Variants in CA5B observed in about 807,000 individuals in gnomAD.
CA5B encodes carbonic anhydrase 5B, mitochondrial.
A neutral mutation model predicts 23.1 loss-of-function variants in CA5B; 15 were observed. The ratio of observed to expected loss-of-function variants is 0.65; its 90% CI spans 0.43 to 1.00. CA5B has a LOEUF of 1.00. Among genes scored for constraint, CA5B ranks in the 50% least tolerant of loss-of-function variants. The pLI, the probability that CA5B is intolerant of heterozygous loss-of-function variation, is 0.00. For synonymous variants in CA5B, 84 were observed against 98.5 expected (o/e 0.85, Z 0.87); for missense variants, 236 against 252.2 (o/e 0.94, Z 0.43).
At chrX:15,753,397 T>C (rs1386950960) in intron 2 of CA5B, among the ~76,000 whole-genome samples, 1 of 111,993 alleles carries the variant, frequency 8.9e-6, no homozygotes, top group Non-Finnish European at 1.9e-5. Flanking sequence ...ATAAGGGGGA[T>C]TGTAGAAGCC....
Position 15,788,295 on chromosome X carries a change from A to T in CA5B, c.*5631A>T, listed in dbSNP as rs1250491183. The T allele has an allele frequency of 8.9e-6, 1 of 112,212 alleles. No individual in the cohort carries two copies. Among genetic ancestry groups the T allele is most frequent in the Non-Finnish European group, 1.9e-5 (1 of 53,287 alleles). The allele number at this position is 112,212 out of a possible 1,213,427, so 9.2% of individuals were successfully genotyped here. ...AGTTTTCACACTAATGATGATGGTG[A>T]TGAGATGATGTAACAGCTAAAGTTT... is the stretch of plus-strand genomic sequence containing the variant. On this transcript the variant is annotated 3_prime_UTR_variant, in exon 8 of 8. Coordinates refer to ENST00000318636, the MANE Select transcript of CA5B (RefSeq NM_007220.4).
chrX:15,765,002 T>C (rs1931678432), intron 3 of CA5B: 4 of 427,736 alleles, frequency 9.4e-6, no homozygotes, highest in Non-Finnish European at 1.6e-5. Flanking sequence ...TATATCTCTA[T>C]CTCTCTATGT....
chrX:15,769,277 T>C (rs1343592903), intron 3 of CA5B, among the ~76,000 whole-genome samples: 2 of 111,853 alleles, frequency 1.8e-5, no homozygotes, highest in Non-Finnish European at 3.8e-5. Context: ...CCTACCTTGA[T>C]AGGATTATAA....
At chrX:15,776,920 A>C (rs1931943867) in intron 7 of CA5B, 51 bp downstream of exon 7, 22 of 1,068,168 alleles carry the variant, frequency 2.1e-5, no homozygotes, top group Non-Finnish European at 2.7e-5. Flanking sequence ...CTGCCCATGT[A>C]AAACAAGGCT....
chrX:15,767,413 T>C (rs1269560986), intron 3 of CA5B, among the ~76,000 whole-genome samples: 1 of 109,752 alleles, frequency 9.1e-6, no homozygotes, highest in Non-Finnish European at 1.9e-5. Context: ...AATTTTTTTT[T>C]TTTTTTGAGA....
chrX:15,766,013 C>T (rs189500332), intron 3 of CA5B, among the ~76,000 whole-genome samples: 121 of 108,146 alleles, frequency 1.1e-3, no homozygotes, highest in Middle Eastern at 4.7e-3. Flanking sequence ...AAGCATTAGC[C>T]GGGTGTGGTG....
intron 7 of CA5B, among the ~76,000 whole-genome samples, chrX:15,780,399 A>G (rs1932000777): frequency 9.1e-6 from 1 of 109,499 alleles, no homozygotes; most frequent in Admixed American, 9.8e-5. Flanking sequence ...CAGCCTCCCA[A>G]GTAGCTGGGA....
chrX:15,756,575 A>G (rs930550202), intron 2 of CA5B, among the ~76,000 whole-genome samples: 2 of 112,474 alleles, frequency 1.8e-5, no homozygotes, highest in South Asian at 3.6e-4. Flanking sequence ...AAAGATTTCT[A>G]TAAGTGTTAA....
At chrX:15,775,785 C>G (rs1215692876) in intron 6 of CA5B, 1 of 743,477 alleles carries the variant, frequency 1.3e-6, no homozygotes, top group Non-Finnish European at 1.6e-6. Context: ...TCTCTGGAGG[C>G]CCATATATTC....
At chrX:15,748,579 C>T (rs1165565403) in intron 1 of CA5B, among the ~76,000 whole-genome samples, 1 of 111,037 alleles carries the variant, frequency 9.0e-6, no homozygotes, top group African/African-American at 3.3e-5. Flanking sequence ...TACACAAACA[C>T]ACACATAAAA....
intron 3 of CA5B, among the ~76,000 whole-genome samples, chrX:15,765,657 G>A (rs1931692015): frequency 9.1e-6 from 1 of 109,355 alleles, no homozygotes; most frequent in Admixed American, 1.0e-4. Flanking sequence ...TGTAGGATCC[G>A]AAGGCGTTTT....
intron 1 of CA5B, among the ~76,000 whole-genome samples, chrX:15,742,070 C>T (rs1182856189): frequency 1.8e-5 from 2 of 112,280 alleles, no homozygotes; most frequent in Non-Finnish European, 3.8e-5. Context: ...ACCTGTTTCT[C>T]CCACTGTCTC....
chrX:15,740,782 G>A (rs1931102965), intron 1 of CA5B, among the ~76,000 whole-genome samples: 3 of 112,814 alleles, frequency 2.7e-5, no homozygotes, highest in Non-Finnish European at 5.6e-5. Context: ...AGGGCTGGGC[G>A]CCATGGCTCA....
In CA5B at chrX:15,755,209, G is replaced by C. The variant is rs750597359; in HGVS notation, c.142+5044G>C. 5.4e-5 allele frequency among the ~76,000 whole-genome samples: 6 copies of C among 111,981 alleles called. No homozygotes were observed. The South Asian group carries it at 2.2e-3, about 41-fold the overall frequency. On this transcript the variant is annotated intron_variant, in intron 2 of 7. Transcript: ENST00000318636. ...CCTTGAGAAAAAATGAGCTGATTAA[G>C]AGCCACTTAGAATTGCATTAATGGC...
chrX:15,778,673 T>A (rs1466887967), intron 7 of CA5B, among the ~76,000 whole-genome samples: 2 of 111,566 alleles, frequency 1.8e-5, no homozygotes, highest in African/African-American at 3.3e-5. Flanking sequence ...ACAGGAAGCA[T>A]GACTGGGAGG....
intron 3 of CA5B, among the ~76,000 whole-genome samples, chrX:15,766,513 G>A (rs185893221): frequency 3.7e-4 from 41 of 111,702 alleles, no homozygotes; most frequent in African/African-American, 1.3e-3. Context: ...CCAGATTCAT[G>A]GGCATCTTTC....
At chrX:15,756,460 G>T (rs746768856) in intron 2 of CA5B, among the ~76,000 whole-genome samples, 162 of 113,018 alleles carry the variant, frequency 1.4e-3, no homozygotes, top group African/African-American at 5.0e-3. Context: ...CTGAGGAATG[G>T]TTGGATGCTA....
At chrX:15,756,763 A>G (rs1218553884) in intron 2 of CA5B, among the ~76,000 whole-genome samples, 1 of 111,772 alleles carries the variant, frequency 8.9e-6, no homozygotes, top group Admixed American at 9.4e-5. Context: ...ATTTTATTTA[A>G]AAAGTTTTTA....
chrX:15,760,125 C>A (rs1931574409), intron 2 of CA5B, among the ~76,000 whole-genome samples: 1 of 111,147 alleles, frequency 9.0e-6, no homozygotes, highest in Non-Finnish European at 1.9e-5. Context: ...CTGTTTATTT[C>A]ATTTTCCCTA....
Sources: gnomAD v4.1 joint callset for allele counts (sites outside exome capture counted in the v4.1 genomes callset) on GRCh38, gnomAD v4.1.1 for gene constraint, MANE v1.5 for transcripts, NCBI Gene and HGNC (gene_info 2026-07-23, HGNC 2026-07-21) for gene names.